Variants in RAF1 observed in about 807,000 individuals in gnomAD.
RAF1 encodes Raf-1 proto-oncogene, serine/threonine kinase.
Under a neutral mutation model 81.1 loss-of-function variants are expected in RAF1, and 27 were observed. That is an observed-to-expected ratio of 0.33 (90% CI 0.25 to 0.46). The LOEUF (loss-of-function observed/expected upper bound fraction) is 0.46, where lower values mean the gene tolerates loss of function less well. Ranked by LOEUF, RAF1 falls within the 20% of genes least tolerant of loss-of-function variation. The pLI is 1.00. For missense variants in RAF1, 598 were observed against 826.0 expected (o/e 0.72, Z 3.38); for synonymous variants, 298 against 294.0 (o/e 1.01, Z -0.14).
chr3:12,662,788 A>G (rs2060920267), intron 1 of RAF1, among the ~76,000 whole-genome samples: 1 of 152,006 alleles, frequency 6.6e-6, no homozygotes, highest in Non-Finnish European at 1.5e-5. Flanking sequence ...CTCCTCCCCA[A>G]GCAAAACTAA....
chr3:12,638,761 C>T (rs951839711), intron 1 of RAF1, among the ~76,000 whole-genome samples: 4 of 152,142 alleles, frequency 2.6e-5, no homozygotes, highest in Non-Finnish European at 4.4e-5. Context: ...TAAAAATGGG[C>T]ATGGTGGCTC....
In RAF1 at chr3:12,663,930, A is replaced by G. The variant is rs1440873039; in HGVS notation, c.-144T>C. 5.0e-6 allele frequency: 2 copies of G among 398,168 alleles called. No homozygotes were observed. The highest frequency in any genetic ancestry group is 8.9e-6 in the Non-Finnish European group (2 of 225,816). The allele number at this position is 398,168 out of a possible 1,614,324, so 24.7% of individuals were successfully genotyped here. A position where few individuals can be genotyped will look rare whatever the true frequency, so the allele number is the denominator to read the frequency against. On this transcript the variant is annotated 5_prime_UTR_variant, in exon 1 of 18. Transcript: ENST00000442415. ...GTCACATTCGGCGCGTCCCCAGCCC[A>G]GGGGACGGAGCCCCGAGCAGCCCCC... is the stretch of plus-strand genomic sequence containing the variant.
chr3:12,618,472 G>A (rs774722174), intron 2 of RAF1, 43 bp downstream of exon 2: 1 of 1,592,010 alleles, frequency 6.3e-7, no homozygotes, highest in East Asian at 2.2e-5. Flanking sequence ...GTGCTCCACA[G>A]GCAGATAAAT....
intron 2 of RAF1, among the ~76,000 whole-genome samples, chr3:12,616,385 C>T (rs1003070189): frequency 6.6e-6 from 1 of 152,162 alleles, no homozygotes; most frequent in Non-Finnish European, 1.5e-5. Flanking sequence ...TCCTATCTGA[C>T]TTCTCAATTT....
At chr3:12,633,970 C>T (rs182307857) in intron 1 of RAF1, among the ~76,000 whole-genome samples, 37 of 151,066 alleles carry the variant, frequency 2.4e-4, no homozygotes, top group Non-Finnish European at 4.4e-4. Context: ...ATCAGGAATC[C>T]GAATGACTTC....
At chr3:12,623,611 C>A (rs2059612871) in intron 1 of RAF1, among the ~76,000 whole-genome samples, 1 of 151,924 alleles carries the variant, frequency 6.6e-6, no homozygotes, top group South Asian at 2.1e-4. Context: ...TCCTGGCTAA[C>A]AGGGTGAAAC....
chr3:12,587,207 A>G, intron 14 of RAF1: 1 of 228,208 alleles, frequency 4.4e-6, no homozygotes, highest in Non-Finnish European at 8.7e-6. Flanking sequence ...CCACATAACA[A>G]GCAGATAGAC....
intron 14 of RAF1, chr3:12,586,814 T>C (rs1337442938): frequency 2.0e-5 from 3 of 152,242 alleles, no homozygotes; most frequent in Admixed American, 6.5e-5. Flanking sequence ...AACCCACTTA[T>C]GTACCTTTGA....
chr3:12,650,145 C>CAAAAA (rs36098034), intron 1 of RAF1, among the ~76,000 whole-genome samples: 11 of 76,928 alleles, frequency 1.4e-4, no homozygotes, highest in Non-Finnish European at 2.2e-4. Context: ...GACTCCATCT[C>CAAAAA]AAAAAAAAAA....
At chr3:12,642,846 C>T (rs2060236251) in intron 1 of RAF1, among the ~76,000 whole-genome samples, 1 of 150,924 alleles carries the variant, frequency 6.6e-6, no homozygotes, top group Non-Finnish European at 1.5e-5. Context: ...ATGATCACGT[C>T]ACTGTACTCC....
intron 1 of RAF1, among the ~76,000 whole-genome samples, chr3:12,619,764 T>C (rs1317763073): frequency 6.6e-6 from 1 of 151,854 alleles, no homozygotes; most frequent in Non-Finnish European, 1.5e-5. Context: ...AACTAATATT[T>C]CTAGGATGTA....
intron 1 of RAF1, among the ~76,000 whole-genome samples, chr3:12,640,130 A>G (rs2060140298): frequency 6.6e-6 from 1 of 152,216 alleles, no homozygotes; most frequent in Non-Finnish European, 1.5e-5. Flanking sequence ...AGGATTCCCT[A>G]TTTAATAAAT....
At chr3:12,584,792 C>T (rs1450811128) in intron 17 of RAF1, 55 bp downstream of exon 16, 1 of 1,613,866 alleles carries the variant, frequency 6.2e-7, no homozygotes. Context: ...CTTATATTGC[C>T]ATCTTTACGA....
In RAF1 at chr3:12,603,508, C is replaced by T. The variant is rs2596828; in HGVS notation, c.864G>A (p.Ala288=). ...CCCTCAAACAAAATCGTCTGGACCA[C>T]GCCCTGGGAGAAGCACTCAGGTTGT... The change falls in exon 8 of 18, where the codon GCG becomes GCA. Residue 288 remains alanine (A), a synonymous_variant. Transcript: ENST00000442415. 124,022 of 698,968 alleles carry T rather than the reference C, an allele frequency of 0.18. 13,083 individuals are homozygous for T. Among genetic ancestry groups the T allele is most frequent in the Non-Finnish European group, 0.23 (87,626 of 382,386 alleles). 43.3% of individuals were successfully genotyped at this position (698,968 alleles called of 1,614,324 possible).
intron 1 of RAF1, among the ~76,000 whole-genome samples, chr3:12,627,105 A>G (rs2059727350): frequency 6.6e-6 from 1 of 152,042 alleles, no homozygotes; most frequent in Non-Finnish European, 1.5e-5. Flanking sequence ...GAAAGTTCCC[A>G]GGCTTTAAAC....
intron 1 of RAF1, among the ~76,000 whole-genome samples, chr3:12,628,833 C>A (rs1189770145): frequency 6.6e-6 from 1 of 151,054 alleles, no homozygotes; most frequent in Admixed American, 6.6e-5. Context: ...CTGACTGCAA[C>A]CTCTGTTTCC....
intron 5 of RAF1, among the ~76,000 whole-genome samples, chr3:12,606,527 C>T (rs1442196028): frequency 6.6e-6 from 1 of 152,010 alleles, no homozygotes; most frequent in Admixed American, 6.6e-5. Flanking sequence ...AACATACAGG[C>T]TCCTGTGTGC....
chr3:12,619,651 T>C (rs2059493510), intron 1 of RAF1, among the ~76,000 whole-genome samples: 1 of 151,964 alleles, frequency 6.6e-6, no homozygotes, highest in Non-Finnish European at 1.5e-5. Flanking sequence ...ACATTTCTCT[T>C]CTTCCTAAGC....
At chr3:12,634,335 G>A (rs1226645630) in intron 1 of RAF1, among the ~76,000 whole-genome samples, 1 of 150,016 alleles carries the variant, frequency 6.7e-6, no homozygotes, top group Non-Finnish European at 1.5e-5. Context: ...TTTTTTAGTA[G>A]AGATGGCGTT....
Sources: gnomAD v4.1 joint callset for allele counts (sites outside exome capture counted in the v4.1 genomes callset) on GRCh38, gnomAD v4.1.1 for gene constraint, MANE v1.5 for transcripts, NCBI Gene and HGNC (gene_info 2026-07-23, HGNC 2026-07-21) for gene names.